GRID2: variants seen among roughly 807,000 people sequenced by gnomAD.
The protein encoded by GRID2 is glutamate receptor ionotropic, delta-2.
In GRID2, 33 loss-of-function variants were observed where a neutral mutation model predicts 114.8. The ratio of observed to expected loss-of-function variants is 0.29; its 90% CI spans 0.22 to 0.38. GRID2 has a LOEUF of 0.38. Among genes scored for constraint, GRID2 ranks in the 10% least tolerant of loss-of-function variants. GRID2 has a pLI of 1.00. For synonymous variants in GRID2, 505 were observed against 449.9 expected (o/e 1.12, Z -1.55); for missense variants, 1,184 against 1,257.7 (o/e 0.94, Z 0.89).
chr4:92,837,369 C>T (rs61074483), intron 2 of GRID2, among the ~76,000 whole-genome samples: 4,187 of 151,696 alleles, frequency 0.028, 183 homozygotes, highest in African/African-American at 0.094. Context: ...AACAAGTCTC[C>T]GTGAAACTAT....
intron 9 of GRID2, among the ~76,000 whole-genome samples, chr4:93,411,835 A>T (rs941014003): frequency 6.6e-6 from 1 of 151,896 alleles, no homozygotes; most frequent in African/African-American, 2.4e-5. Context: ...CTAGGGTTGT[A>T]TGTAATTCCC....
At chr4:93,735,099 T>G (rs187186582) in intron 14 of GRID2, among the ~76,000 whole-genome samples, 1 of 152,078 alleles carries the variant, frequency 6.6e-6, no homozygotes, top group African/African-American at 2.4e-5. Context: ...CAAGCAAACA[T>G]TGTGAAATCA....
intron 8 of GRID2, among the ~76,000 whole-genome samples, chr4:93,352,487 G>T (rs1443758688): frequency 6.6e-6 from 1 of 151,900 alleles, no homozygotes; most frequent in Non-Finnish European, 1.5e-5. Context: ...AATCCAATCA[G>T]TGCAAGTCTA....
At chr4:93,049,279 T>C (rs1726460380) in intron 2 of GRID2, among the ~76,000 whole-genome samples, 1 of 152,070 alleles carries the variant, frequency 6.6e-6, no homozygotes, top group African/African-American at 2.4e-5. Flanking sequence ...TCTCATTTAT[T>C]TATGTAACAA....
intron 4 of GRID2, among the ~76,000 whole-genome samples, chr4:93,136,232 TTGTG>T (rs3970984): frequency 0.2 from 28,305 of 142,062 alleles, 2,960 homozygotes; most frequent in African/African-American, 0.26. Flanking sequence ...CCAACAGTTA[TTGTG>T]TGTGTGTGTG....
intron 1 of GRID2, among the ~76,000 whole-genome samples, chr4:92,426,649 C>T (rs1229105232): frequency 6.6e-6 from 1 of 152,058 alleles, no homozygotes; most frequent in African/African-American, 2.4e-5. Flanking sequence ...GAAATACAAT[C>T]ACAAAGAACA....
At chr4:92,770,365 T>C (rs1207544502) in intron 2 of GRID2, among the ~76,000 whole-genome samples, 1 of 152,176 alleles carries the variant, frequency 6.6e-6, no homozygotes, top group Non-Finnish European at 1.5e-5. Flanking sequence ...TTCCCACATT[T>C]TCCTTTCTTC....
chr4:92,533,102 C>T (rs1011226427), intron 1 of GRID2, among the ~76,000 whole-genome samples: 1 of 151,844 alleles, frequency 6.6e-6, no homozygotes, highest in Non-Finnish European at 1.5e-5. Context: ...AATTTTTATT[C>T]TCCCTTTCTG....
intron 1 of GRID2, among the ~76,000 whole-genome samples, chr4:92,525,018 TAATG>T (rs962580835): frequency 3.9e-5 from 6 of 152,092 alleles, no homozygotes; most frequent in African/African-American, 1.2e-4. Flanking sequence ...AATAATGTGA[TAATG>T]AGAGAGTATT....
intron 13 of GRID2, among the ~76,000 whole-genome samples, chr4:93,564,983 T>C (rs1735267430): frequency 6.6e-6 from 1 of 152,066 alleles, no homozygotes; most frequent in South Asian, 2.1e-4. Flanking sequence ...ACTTATTAAA[T>C]GCATTTTACA....
intron 10 of GRID2, among the ~76,000 whole-genome samples, chr4:93,437,309 G>T (rs1351617927): frequency 6.6e-6 from 1 of 152,140 alleles, no homozygotes; most frequent in Non-Finnish European, 1.5e-5. Context: ...TAGCCAAGTT[G>T]TAGAGAATTA....
chr4:93,404,291 T>A (rs893543554), intron 9 of GRID2, among the ~76,000 whole-genome samples: 17 of 152,118 alleles, frequency 1.1e-4, no homozygotes, highest in African/African-American at 3.9e-4. Context: ...GAGCTGGTAA[T>A]AAAGTTCTAA....
At chr4:93,023,313 AT>A (rs533434439) in intron 2 of GRID2, among the ~76,000 whole-genome samples, 30 of 152,038 alleles carry the variant, frequency 2.0e-4, no homozygotes, top group Admixed American at 1.4e-3. Flanking sequence ...AAGAAAAAAA[AT>A]CTGTAGTGAA....
At chr4:93,739,886 T>C (rs1255655300) in intron 14 of GRID2, among the ~76,000 whole-genome samples, 1 of 152,178 alleles carries the variant, frequency 6.6e-6, no homozygotes, top group Non-Finnish European at 1.5e-5. Flanking sequence ...ATATCTACTG[T>C]TTTATTTAAT....
chr4:93,649,719 A>T (rs537551176), intron 14 of GRID2, among the ~76,000 whole-genome samples: 1 of 152,248 alleles, frequency 6.6e-6, no homozygotes, highest in East Asian at 1.9e-4. Context: ...AAGAGGAGAG[A>T]TGAATGGGCC....
intron 1 of GRID2, among the ~76,000 whole-genome samples, chr4:92,320,823 G>GT (rs1212847113): frequency 1.3e-5 from 2 of 152,022 alleles, no homozygotes; most frequent in Non-Finnish European, 2.9e-5. Context: ...TAGTATTTCT[G>GT]TTTTTTACTA....
chr4:92,323,007 A>C (rs770914622), intron 1 of GRID2, among the ~76,000 whole-genome samples: 3 of 152,064 alleles, frequency 2.0e-5, no homozygotes, highest in Admixed American at 6.6e-5. Flanking sequence ...AATTGAGTGC[A>C]ACTTCTAGCA....
chr4:92,813,832 G>A (rs548978760), intron 2 of GRID2, among the ~76,000 whole-genome samples: 1 of 152,226 alleles, frequency 6.6e-6, no homozygotes, highest in Admixed American at 6.5e-5. Context: ...GCTTACCAGT[G>A]TCTATATAAT....
intron 1 of GRID2, among the ~76,000 whole-genome samples, chr4:92,372,532 T>C (rs1729165298): frequency 6.6e-6 from 1 of 152,180 alleles, no homozygotes; most frequent in Non-Finnish European, 1.5e-5. Context: ...TTTAAATTAT[T>C]GTTTTAGACA....
Sources: allele counts gnomAD v4.1 joint callset (sites outside exome capture counted in the v4.1 genomes callset), GRCh38; gene constraint gnomAD v4.1.1; transcripts MANE v1.5; gene names NCBI Gene and HGNC (gene_info 2026-07-23, HGNC 2026-07-21).